The following CSTPP1 variants were observed in gnomAD, a reference collection of about 807,000 sequenced individuals.
The protein encoded by CSTPP1 is UPF0705 protein C11orf49.
chr11:46,951,111 T>C, the CSTPP1 span, among the ~76,000 whole-genome samples: 5 of 152,118 alleles, frequency 3.3e-5, no homozygotes, highest in South Asian at 6.2e-4. Flanking sequence ...TGAGCTAGTA[T>C]GTCTGGAGCT....
the CSTPP1 span, among the ~76,000 whole-genome samples, chr11:47,031,619 C>T: frequency 4.0e-5 from 6 of 151,810 alleles, no homozygotes; most frequent in Non-Finnish European, 8.8e-5. Context: ...ATCGCTTCAG[C>T]CCAGGAGTTT....
the CSTPP1 span, among the ~76,000 whole-genome samples, chr11:47,115,143 C>T: frequency 2.0e-5 from 3 of 152,220 alleles, no homozygotes; most frequent in Non-Finnish European, 4.4e-5. Context: ...TATTGATTTG[C>T]GTATGTTGAG....
the CSTPP1 span, among the ~76,000 whole-genome samples, chr11:47,054,743 C>G: frequency 6.6e-6 from 1 of 152,072 alleles, no homozygotes; most frequent in African/African-American, 2.4e-5. Context: ...AGAGATTAGA[C>G]CCAACACTAA....
chr11:46,937,188 A>T, the CSTPP1 span, among the ~76,000 whole-genome samples: 1 of 152,218 alleles, frequency 6.6e-6, no homozygotes, highest in Non-Finnish European at 1.5e-5. Context: ...CAAGTGCCAA[A>T]TCAGTCAGCG....
chr11:47,030,675 C>T, the CSTPP1 span, among the ~76,000 whole-genome samples: 1 of 152,132 alleles, frequency 6.6e-6, no homozygotes, highest in Non-Finnish European at 1.5e-5. Context: ...CTCTTCCCAT[C>T]CTCCACCCTC....
chr11:47,038,145 G>C, the CSTPP1 span, among the ~76,000 whole-genome samples: 2 of 60,124 alleles, frequency 3.3e-5, 1 homozygote, highest in Non-Finnish European at 8.6e-5. Context: ...GCTGGCCCGG[G>C]CGGGGGGCGG....
At chr11:47,149,351 G>A in the CSTPP1 span, among the ~76,000 whole-genome samples, 14 of 152,214 alleles carry the variant, frequency 9.2e-5, no homozygotes, top group African/African-American at 1.2e-4. Context: ...CAGCTGGCAC[G>A]TTAGCAGAAG....
At chr11:47,016,314 G>A in the CSTPP1 span, among the ~76,000 whole-genome samples, 1 of 149,212 alleles carries the variant, frequency 6.7e-6, no homozygotes, top group South Asian at 2.1e-4. Flanking sequence ...CAGTGGATAA[G>A]GCAAGAAAAC....
chr11:47,002,694 A>G, the CSTPP1 span, among the ~76,000 whole-genome samples: 1 of 152,096 alleles, frequency 6.6e-6, no homozygotes, highest in African/African-American at 2.4e-5. Context: ...CAATAAGAGG[A>G]AATGAAGAAA....
chr11:46,982,939 A>C, the CSTPP1 span, among the ~76,000 whole-genome samples: 1 of 152,172 alleles, frequency 6.6e-6, no homozygotes, highest in Non-Finnish European at 1.5e-5. Flanking sequence ...TTTATAGAAA[A>C]GGGCAGAGAG....
chr11:47,071,152 G>A, the CSTPP1 span, among the ~76,000 whole-genome samples: 150,007 of 152,326 alleles, frequency 0.98, 73,908 homozygotes, highest in Middle Eastern at 1. Flanking sequence ...GTTATTGGCA[G>A]ATACATAGTC....
At chr11:46,974,771 C>G in the CSTPP1 span, among the ~76,000 whole-genome samples, 1 of 151,680 alleles carries the variant, frequency 6.6e-6, no homozygotes, top group African/African-American at 2.4e-5. Flanking sequence ...GGGAGGCTCG[C>G]TTGAACCTGG....
At chr11:47,035,976 T>C in the CSTPP1 span, among the ~76,000 whole-genome samples, 3 of 147,726 alleles carry the variant, frequency 2.0e-5, no homozygotes, top group African/African-American at 7.6e-5. Context: ...ACAGGAAGAA[T>C]AAACCAGAGA....
the CSTPP1 span, chr11:46,987,478 T>C: frequency 1.2e-5 from 6 of 509,798 alleles, no homozygotes; most frequent in Non-Finnish European, 1.7e-5. Context: ...GAGCATGCCT[T>C]TGGTGCAGCT....
At chr11:46,943,121 G>A in the CSTPP1 span, among the ~76,000 whole-genome samples, 5 of 151,934 alleles carry the variant, frequency 3.3e-5, no homozygotes, top group African/African-American at 4.8e-5. Context: ...TAATTCATAC[G>A]TATATGTGAA....
At chr11:47,042,211 AAAAT>A in the CSTPP1 span, among the ~76,000 whole-genome samples, 10 of 152,106 alleles carry the variant, frequency 6.6e-5, no homozygotes, top group African/African-American at 2.4e-4. Flanking sequence ...AAAAAAATAA[AAAAT>A]AAAATAAAGA....
the CSTPP1 span, among the ~76,000 whole-genome samples, chr11:46,967,056 T>C: frequency 1.6e-4 from 25 of 152,318 alleles, no homozygotes; most frequent in African/African-American, 6.0e-4. Flanking sequence ...TTTAAAATTT[T>C]GATAAAGTGT....
At chr11:47,156,938 G>C in the CSTPP1 span, 2 of 1,424,006 alleles carry the variant, frequency 1.4e-6, no homozygotes, top group Non-Finnish European at 1.9e-6. Context: ...TGGGCTGACA[G>C]AGAAGGGAAG....
At chr11:47,152,199 G>A in the CSTPP1 span, among the ~76,000 whole-genome samples, 20 of 150,716 alleles carry the variant, frequency 1.3e-4, no homozygotes, top group African/African-American at 3.4e-4. Context: ...GCAGTGAGCC[G>A]ATCTGCACCA....
Sources: allele counts gnomAD v4.1 joint callset (sites outside exome capture counted in the v4.1 genomes callset), GRCh38; gene constraint gnomAD v4.1.1; transcripts MANE v1.5; gene names NCBI Gene and HGNC (gene_info 2026-07-23, HGNC 2026-07-21).